The following SEMA3A variants were observed in gnomAD, a reference collection of about 807,000 sequenced individuals.
SEMA3A encodes the protein semaphorin-3A.
In SEMA3A, 29 loss-of-function variants were observed where a neutral mutation model predicts 97.9. The observed-to-expected ratio is 0.30, with a 90% CI of 0.22 to 0.40. SEMA3A has a LOEUF of 0.40. Ranked by LOEUF, SEMA3A falls within the 10% of genes least tolerant of loss-of-function variation. The pLI is 1.00. For synonymous variants in SEMA3A, 321 were observed against 323.7 expected (o/e 0.99, Z 0.09); for missense variants, 763 against 951.3 (o/e 0.80, Z 2.60).
At chr7:84,035,879 CA>C (rs1791924968) in intron 6 of SEMA3A, among the ~76,000 whole-genome samples, 1 of 152,044 alleles carries the variant, frequency 6.6e-6, no homozygotes, top group African/African-American at 2.4e-5. Flanking sequence ...TGAGATAACA[CA>C]ATTTAAAAAT....
At chr7:84,081,128 AATAT>A (rs1446680737) in intron 4 of SEMA3A, among the ~76,000 whole-genome samples, 4 of 152,140 alleles carry the variant, frequency 2.6e-5, no homozygotes, top group Non-Finnish European at 5.9e-5. Context: ...ATATATATGT[AATAT>A]ATGTTTATTA....
chr7:83,961,671 A>G lies in SEMA3A; in HGVS notation c.2016T>C (p.His672=), dbSNP rs2116248885. 1 of 1,613,872 alleles carries G rather than the reference A, an allele frequency of 6.2e-7. No individual in the cohort carries two copies. Among genetic ancestry groups the G allele is most frequent in the African/African-American group, 1.3e-5 (1 of 75,030 alleles). ...CATCTTTATGAAGAAGTTCTTCCAA[A>G]TGCTCTGTGTCAATGACTTCCAGGG... ...KVTLEVIDTE[H]LEELLHKDDD... The change falls in exon 17 of 17, where the codon CAT becomes CAC. Residue 672 remains histidine, a synonymous_variant. Coordinates refer to ENST00000265362, the MANE Select transcript of SEMA3A (RefSeq NM_006080.3).
At chr7:84,336,414 C>T (rs1802039812) in intron 2 of SEMA3A, among the ~76,000 whole-genome samples, 2 of 151,876 alleles carry the variant, frequency 1.3e-5, no homozygotes, top group South Asian at 4.2e-4. Context: ...TTTTTTCCCC[C>T]CAGAGAGAAT....
Position 83,981,329 on chromosome 7 carries a change from A to G in SEMA3A, c.1644T>C (p.Thr548=), listed in dbSNP as rs376837957. ...DGSACSRYFP[T]AKRRTRRQDI... ...TTGAATATTTTTCCTACCTCTTTGC[A>G]GTGGGAAAATAGCGAGAACATGCAG... The change falls in exon 14 of 17, where the codon ACT becomes ACC. Residue 548 remains threonine, a synonymous_variant. Coordinates refer to ENST00000265362, the MANE Select transcript of SEMA3A (RefSeq NM_006080.3). 4 of 1,613,790 alleles carry G rather than the reference A, an allele frequency of 2.5e-6. No homozygotes were observed. In the African/African-American group the frequency reaches 4.0e-5, roughly 16 times the overall value.
At chr7:84,090,478 T>G (rs1794528859) in intron 4 of SEMA3A, among the ~76,000 whole-genome samples, 1 of 152,078 alleles carries the variant, frequency 6.6e-6, no homozygotes, top group African/African-American at 2.4e-5. Flanking sequence ...ATGTTCTCTC[T>G]GCAAGGAGGA....
chr7:84,173,718 TA>T (rs777073259), intron 1 of SEMA3A, among the ~76,000 whole-genome samples: 15 of 152,050 alleles, frequency 9.9e-5, no homozygotes, highest in Non-Finnish European at 1.8e-4. Context: ...CACCAAGTGG[TA>T]GAGCAAGGGC....
intron 4 of SEMA3A, among the ~76,000 whole-genome samples, chr7:84,075,458 C>CTTTT (rs35489504): frequency 1.1e-4 from 13 of 119,290 alleles, no homozygotes; most frequent in African/African-American, 3.7e-4. Flanking sequence ...TGCACCTGGT[C>CTTTT]TTTTTTTTTT....
At chr7:84,011,822 C>CA (rs1790889395) in intron 7 of SEMA3A, among the ~76,000 whole-genome samples, 1 of 152,026 alleles carries the variant, frequency 6.6e-6, no homozygotes, top group Non-Finnish European at 1.5e-5. Context: ...TTAATTATTA[C>CA]ACATTATATT....
chr7:84,020,652 T>C (rs1263990408), intron 6 of SEMA3A, among the ~76,000 whole-genome samples: 2 of 152,152 alleles, frequency 1.3e-5, no homozygotes, highest in East Asian at 3.9e-4. Flanking sequence ...AATAAAATGT[T>C]ATTTTACCTT....
Position 84,106,549 on chromosome 7 carries a change from GC to G in SEMA3A, c.453+3920del, listed in dbSNP as rs1363511576. Reference sequence around the variant, plus strand: ...CGCATGACTGTATTGCTATTAAAATGCCTGAAGAGTAAAAGAGGTCTATTTT... The same window carrying G: ...CGCATGACTGTATTGCTATTAAAATGCTGAAGAGTAAAAGAGGTCTATTTT... On this transcript the variant is annotated intron_variant, in intron 4 of 16. Coordinates refer to ENST00000265362, the MANE Select transcript of SEMA3A (RefSeq NM_006080.3). Among the ~76,000 whole-genome samples the G allele has an allele frequency of 2.6e-5, 4 of 152,130 alleles. No homozygotes were observed. The East Asian group carries it at 5.8e-4, about 22-fold the overall frequency.
At chr7:84,240,582 C>T (rs1044389080) in intron 3 of SEMA3A, among the ~76,000 whole-genome samples, 1 of 152,130 alleles carries the variant, frequency 6.6e-6, no homozygotes, top group Non-Finnish European at 1.5e-5. Flanking sequence ...TCCCTTAGAG[C>T]CTCGCAAAGA....
intron 1 of SEMA3A, among the ~76,000 whole-genome samples, chr7:84,183,507 G>A (rs974029654): frequency 6.6e-6 from 1 of 151,250 alleles, no homozygotes; most frequent in African/African-American, 2.4e-5. Context: ...TCTGACACCT[G>A]TGAAATGACT....
At chr7:84,004,123 C>A (rs1280674937) in intron 11 of SEMA3A, among the ~76,000 whole-genome samples, 2 of 152,072 alleles carry the variant, frequency 1.3e-5, no homozygotes, top group Non-Finnish European at 2.9e-5. Flanking sequence ...GTGGAGCACT[C>A]ACTCTGTTTC....
chr7:84,404,363 G>A (rs1192278942), intron 1 of SEMA3A, among the ~76,000 whole-genome samples: 2 of 152,056 alleles, frequency 1.3e-5, no homozygotes, highest in Admixed American at 6.6e-5. Flanking sequence ...AAAAAGAAAC[G>A]AACAAAGCCT....
At chr7:84,437,114 G>T (rs916121509) in intron 1 of SEMA3A, among the ~76,000 whole-genome samples, 1 of 151,986 alleles carries the variant, frequency 6.6e-6, no homozygotes, top group Non-Finnish European at 1.5e-5. Context: ...GATCACAAGC[G>T]TTTTTACAAT....
chr7:84,407,592 C>T (rs1214275231), intron 1 of SEMA3A, among the ~76,000 whole-genome samples: 1 of 151,002 alleles, frequency 6.6e-6, no homozygotes, highest in African/African-American at 2.4e-5. Flanking sequence ...CCAAGTCAAT[C>T]CTAAGCCAAA....
At chr7:83,968,712 T>G (rs970714872) in intron 15 of SEMA3A, among the ~76,000 whole-genome samples, 2 of 152,024 alleles carry the variant, frequency 1.3e-5, no homozygotes, top group Non-Finnish European at 2.9e-5. Flanking sequence ...TTGCAACTCA[T>G]CTTTTATATG....
At chr7:84,468,603 G>A (rs1298144344) in intron 1 of SEMA3A, among the ~76,000 whole-genome samples, 3 of 151,930 alleles carry the variant, frequency 2.0e-5, no homozygotes, top group Non-Finnish European at 4.4e-5. Context: ...CTTTTACCAC[G>A]AGTCCTCTTT....
intron 2 of SEMA3A, among the ~76,000 whole-genome samples, chr7:84,360,002 T>C (rs1802671970): frequency 6.7e-6 from 1 of 148,596 alleles, no homozygotes; most frequent in African/African-American, 2.5e-5. Flanking sequence ...TATCATTTTT[T>C]ATTGTGTCTA....
Sources: allele counts gnomAD v4.1 joint callset (sites outside exome capture counted in the v4.1 genomes callset), GRCh38; gene constraint gnomAD v4.1.1; transcripts MANE v1.5; gene names NCBI Gene and HGNC (gene_info 2026-07-23, HGNC 2026-07-21).